The following DOCK9 variants were observed in gnomAD, a reference collection of about 807,000 sequenced individuals.
DOCK9 encodes the protein dedicator of cytokinesis 9, also known as dedicator of cytokinesis protein 9.
In DOCK9, 89 loss-of-function variants were observed where a neutral mutation model predicts 263.3. The ratio of observed to expected loss-of-function variants is 0.34; its 90% confidence interval spans 0.28 to 0.40. The LOEUF (loss-of-function observed/expected upper bound fraction) is 0.40. DOCK9 is among the 10% of genes least tolerant of loss of function. DOCK9 has a pLI of 1.00. For missense variants in DOCK9, 2,140 were observed against 2,603.4 expected (o/e 0.82, Z 3.87); for synonymous variants, 976 against 973.1 (o/e 1.00, Z -0.06).
chr13:98,875,141 A>G (rs768912025), intron 27 of DOCK9, among the ~76,000 whole-genome samples: 1 of 152,152 alleles, frequency 6.6e-6, no homozygotes, highest in Non-Finnish European at 1.5e-5. Flanking sequence ...AAATGTTCCA[A>G]GCTGAACGTT....
intron 27 of DOCK9, among the ~76,000 whole-genome samples, chr13:98,876,354 G>A (rs1164297617): frequency 2.0e-5 from 3 of 152,190 alleles, no homozygotes; most frequent in African/African-American, 7.2e-5. Context: ...AGCTGGGCGT[G>A]GTAGCGCATG....
chr13:98,898,871 G>A (rs1373806295), intron 13 of DOCK9, among the ~76,000 whole-genome samples: 1 of 152,092 alleles, frequency 6.6e-6, no homozygotes, highest in Non-Finnish European at 1.5e-5. Flanking sequence ...AATTCACAGT[G>A]TACAATGAAG....
At chr13:98,924,397 T>A (rs1209297048) in intron 4 of DOCK9, among the ~76,000 whole-genome samples, 2 of 152,200 alleles carry the variant, frequency 1.3e-5, no homozygotes, top group African/African-American at 4.8e-5. Context: ...ATTAATCAGG[T>A]CTCAAGTAAT....
Position 99,007,234 on chromosome 13 carries a change from A to G in DOCK9, c.130-51683T>C, listed in dbSNP as rs544599041. 8.5e-5 allele frequency among the ~76,000 whole-genome samples: 13 copies of G among 152,078 alleles called. No individual in the cohort carries two copies. In the East Asian group the frequency reaches 2.5e-3, roughly 29 times the overall value. On this transcript the variant is annotated intron_variant, in intron 1 of 32. Transcript: ENST00000427887. Reference sequence around the variant, plus strand: ...GAAACCCTGTCTCTACTAAAAATACAAAAATTAGCTGGGTGTGGTGGCACG... The same window carrying G: ...GAAACCCTGTCTCTACTAAAAATACGAAAATTAGCTGGGTGTGGTGGCACG...
chr13:98,806,262 C>A (rs1350868597), intron 48 of DOCK9, among the ~76,000 whole-genome samples: 2 of 152,224 alleles, frequency 1.3e-5, no homozygotes, highest in African/African-American at 2.4e-5. Flanking sequence ...AATTTAGTTT[C>A]TATTTAACAT....
chr13:98,885,783 G>C lies in DOCK9; in HGVS notation c.2185C>G (p.Leu729Val). ...TCACAGCTGACATGGAAGAATGTGAGCAACAGGTGGTGCTTTTCATGCAGC... is the reference window on the plus strand; with the variant it reads ...TCACAGCTGACATGGAAGAATGTGACCAACAGGTGGTGCTTTTCATGCAGC... Reference protein sequence around the residue: ...TQLHEKHHLLLTFFHVSCDNS... With the variant: ...TQLHEKHHLLVTFFHVSCDNS... The change falls in exon 20 of 53, where the codon CTC becomes GTC. Residue 729 changes from leucine to valine, a missense_variant. This residue lies in a region of DOCK9 where 1,521 missense variants were observed against 1,741.7 expected (regional missense o/e 0.87). Transcript: ENST00000682017. The C allele has an allele frequency of 6.2e-7, 1 of 1,612,656 alleles. No individual in the cohort carries two copies.
intron 35 of DOCK9, among the ~76,000 whole-genome samples, chr13:98,852,629 A>G (rs1369569940): frequency 6.6e-6 from 1 of 152,212 alleles, no homozygotes; most frequent in African/African-American, 2.4e-5. Flanking sequence ...ATCCTAATTC[A>G]ATCACCTTAA....
chr13:98,958,069 AG>A (rs2058256389), intron 1 of DOCK9, among the ~76,000 whole-genome samples: 1 of 152,216 alleles, frequency 6.6e-6, no homozygotes, highest in African/African-American at 2.4e-5. Context: ...AGCCCTGGAC[AG>A]GGGGTTGGAG....
In DOCK9 at chr13:99,086,397, G is replaced by A. The variant is rs1272035339; in HGVS notation, c.-46C>T. 12 of 1,041,536 alleles carry A rather than the reference G, an allele frequency of 1.2e-5. No individual in the cohort carries two copies. The East Asian group carries it at 2.0e-4, about 17-fold the overall frequency. The allele number at this position is 1,041,536 out of a possible 1,614,324, so 64.5% of individuals were successfully genotyped here. On this transcript the variant is annotated 5_prime_UTR_variant, in exon 1 of 33. Coordinates refer to the DOCK9 transcript ENST00000427887. Reference sequence around the variant, plus strand: ...CGCCTCCGCCTGCTCCCGCGGCCCGGCCCGGCCGCGCGGCCGCCAGGTGCG... The same window carrying A: ...CGCCTCCGCCTGCTCCCGCGGCCCGACCCGGCCGCGCGGCCGCCAGGTGCG...
chr13:98,796,842 G>T (rs751272417), intron 52 of DOCK9, among the ~76,000 whole-genome samples: 3 of 152,120 alleles, frequency 2.0e-5, no homozygotes, highest in Non-Finnish European at 2.9e-5. Context: ...AGACGGGGGT[G>T]GGGAGAGAGA....
intron 1 of DOCK9, among the ~76,000 whole-genome samples, chr13:99,071,306 CTTTTTTTTTT>C (rs71114578): frequency 2.2e-4 from 11 of 49,320 alleles, no homozygotes; most frequent in Admixed American, 1.4e-3. Context: ...CCATGCCTGG[CTTTTTTTTTT>C]TTTTTTTTTT....
At chr13:98,985,275 C>A (rs543266005) in intron 1 of DOCK9, among the ~76,000 whole-genome samples, 37 of 152,174 alleles carry the variant, frequency 2.4e-4, no homozygotes, top group Non-Finnish European at 4.4e-4. Context: ...AGAAGCTTCT[C>A]ATTAAAGACA....
intron 1 of DOCK9, among the ~76,000 whole-genome samples, chr13:99,040,006 A>G (rs1028098883): frequency 6.6e-6 from 1 of 152,182 alleles, no homozygotes; most frequent in Non-Finnish European, 1.5e-5. Flanking sequence ...TAATTCCCCT[A>G]TGAAGTGAAT....
At chr13:99,060,672 C>T (rs2041148558) in intron 1 of DOCK9, among the ~76,000 whole-genome samples, 2 of 152,146 alleles carry the variant, frequency 1.3e-5, no homozygotes, top group Admixed American at 6.5e-5. Flanking sequence ...TATAAGATGT[C>T]ACTCCTTGGG....
At chr13:98,974,606 C>T (rs1206404695) in intron 1 of DOCK9, among the ~76,000 whole-genome samples, 7 of 151,698 alleles carry the variant, frequency 4.6e-5, no homozygotes, top group African/African-American at 7.3e-5. Flanking sequence ...AAAAATTAGT[C>T]GGGCATGGTG....
chr13:99,038,732 G>A (rs1358142853), intron 1 of DOCK9, among the ~76,000 whole-genome samples: 2 of 152,214 alleles, frequency 1.3e-5, no homozygotes, highest in Non-Finnish European at 1.5e-5. Flanking sequence ...TCTGTCTTGG[G>A]AAAGCACATT....
intron 1 of DOCK9, among the ~76,000 whole-genome samples, chr13:98,967,524 C>G (rs193009260): frequency 9.2e-5 from 14 of 152,360 alleles, no homozygotes; most frequent in Admixed American, 4.6e-4. Context: ...AGACCAGGAC[C>G]TTCCCCATCA....
intron 1 of DOCK9, among the ~76,000 whole-genome samples, chr13:99,026,875 A>G (rs1401958063): frequency 6.6e-6 from 1 of 151,914 alleles, no homozygotes; most frequent in Non-Finnish European, 1.5e-5. Flanking sequence ...GATAAACATT[A>G]CATAAAGAGC....
intron 4 of DOCK9, among the ~76,000 whole-genome samples, chr13:98,923,916 C>T (rs2052496796): frequency 6.6e-6 from 1 of 152,132 alleles, no homozygotes; most frequent in Non-Finnish European, 1.5e-5. Context: ...GGCTGACAGA[C>T]GGCAGAGTCG....
Sources: allele counts gnomAD v4.1 joint callset (sites outside exome capture counted in the v4.1 genomes callset), GRCh38; gene constraint gnomAD v4.1.1; regional missense constraint gnomAD v4.1.1; transcripts MANE v1.5; gene names NCBI Gene and HGNC (gene_info 2026-07-23, HGNC 2026-07-21).